GCNA: variants seen among roughly 807,000 people sequenced by gnomAD.
GCNA encodes the protein germ cell nuclear acidic protein.
A neutral mutation model predicts 38.8 loss-of-function variants in GCNA; 3 were observed. The observed-to-expected ratio is 0.08, with a 90% CI of 0.04 to 0.20. GCNA has a LOEUF of 0.20. GCNA is among the 10% of genes least tolerant of loss of function. The probability of loss-of-function intolerance (pLI) is 1.00; values close to 1 mark genes in which losing one functional copy is unlikely to be tolerated. For synonymous variants in GCNA, 195 were observed against 240.2 expected, an observed-to-expected ratio of 0.81 and a Z score of 1.74; for missense variants, 446 against 578.6, an observed-to-expected ratio of 0.77 and a Z score of 2.35.
chrX:71,591,020 T>A (rs1016814508), intron 2 of GCNA, among the ~76,000 whole-genome samples: 9 of 111,654 alleles, frequency 8.1e-5, no homozygotes, highest in African/African-American at 2.9e-4. Flanking sequence ...TGGACTTCCT[T>A]ATAGCTATTA....
At chrX:71,611,624 A>C (rs773850811) in intron 11 of GCNA, among the ~76,000 whole-genome samples, 10 of 111,479 alleles carry the variant, frequency 9.0e-5, no homozygotes, top group African/African-American at 3.3e-4. Flanking sequence ...AATTCAATCA[A>C]TTAGTAAGAA....
chrX:71,581,707 A>G (rs2040547889), intron 2 of GCNA, among the ~76,000 whole-genome samples: 1 of 112,146 alleles, frequency 8.9e-6, no homozygotes, highest in Admixed American at 9.5e-5. Context: ...TAGATTACAC[A>G]TGGATCAAAT....
intron 2 of GCNA, among the ~76,000 whole-genome samples, chrX:71,589,107 C>T (rs1047459666): frequency 2.0e-4 from 22 of 110,452 alleles, no homozygotes; most frequent in African/African-American, 5.6e-4. Context: ...CCTCCGGCCT[C>T]GACCTCCCAA....
intron 4 of GCNA, 29 bp downstream of exon 4, chrX:71,592,599 T>C (rs769556612): frequency 1.5e-5 from 15 of 1,007,547 alleles, no homozygotes; most frequent in Middle Eastern, 5.8e-4. Context: ...GAAACTTTAC[T>C]TTTTTTTTTT....
At position 71,612,283 on chromosome X, in the gene GCNA, GAAAAAAAAAA is replaced by G. The variant is rs756270122; in HGVS notation, c.1751-56_1751-47del. The G allele has an allele frequency of 2.3e-4, 69 of 294,840 alleles. 1 individual carries two copies. Among genetic ancestry groups the G allele is most frequent in the Non-Finnish European group, 3.1e-4 (62 of 198,446 alleles). 24.3% of individuals were successfully genotyped at this position (294,840 alleles called of 1,213,427 possible). On this transcript the variant is annotated intron_variant, in intron 11 of 12. Transcript: ENST00000373696. ...ACAAAGCAAGACTATCTCAAAAAAG[GAAAAAAAAAA>G]AAAAAAAAAAAAAAAGAGGATTGGT...
chrX:71,610,642 A>G, intron 10 of GCNA, 39 bp from the exon 11 acceptor site: 1 of 1,194,971 alleles, frequency 8.4e-7, no homozygotes, highest in Non-Finnish European at 1.1e-6. Context: ...AAAACCCAAA[A>G]CAGCTTTCTG....
At chrX:71,595,141 G>T (rs1221463129) in intron 6 of GCNA, among the ~76,000 whole-genome samples, 1 of 111,840 alleles carries the variant, frequency 8.9e-6, no homozygotes, top group African/African-American at 3.2e-5. Context: ...TGCTCGACCA[G>T]GTTCGAGTGC....
At chrX:71,612,297 A>T in intron 11 of GCNA, 58 bp from the exon 12 acceptor site, 1 of 792,713 alleles carries the variant, frequency 1.3e-6, no homozygotes, top group Non-Finnish European at 1.7e-6. Flanking sequence ...AAAAAAAAAA[A>T]AAAAAAAAAA....
At chrX:71,594,573 C>CT (rs1165906906) in intron 5 of GCNA, among the ~76,000 whole-genome samples, 173 bp from the exon 6 acceptor site, 60 of 92,594 alleles carry the variant, frequency 6.5e-4, no homozygotes, top group Non-Finnish European at 1.1e-3. Flanking sequence ...TACTTTCCTC[C>CT]TTTTTTTTTG....
At chrX:71,605,805 G>A in intron 9 of GCNA, 76 bp downstream of exon 9, 1 of 907,120 alleles carries the variant, frequency 1.1e-6, no homozygotes, top group Non-Finnish European at 1.5e-6. Flanking sequence ...TGGGCACTTG[G>A]GTGGGGGTGG....
chrX:71,581,559 AAAC>A (rs1358010477), intron 2 of GCNA, among the ~76,000 whole-genome samples: 1 of 112,451 alleles, frequency 8.9e-6, no homozygotes, highest in African/African-American at 3.2e-5. Flanking sequence ...AAAATTTACT[AAAC>A]AAGAAAAACG....
intron 8 of GCNA, 72 bp from the exon 9 acceptor site, chrX:71,605,591 C>G: frequency 2.1e-6 from 2 of 953,043 alleles, no homozygotes; most frequent in Non-Finnish European, 2.9e-6. Context: ...TTTGGGTTTA[C>G]CTTTCTGTTG....
Position 71,602,228 on chromosome X carries a change from C to G in GCNA, c.311-1360C>G, listed in dbSNP as rs1330704412. Among the ~76,000 whole-genome samples the G allele has an allele frequency of 2.7e-5, 3 of 111,557 alleles. No individual in the cohort carries two copies. In the Admixed American group the frequency reaches 2.9e-4, roughly 11 times the overall value. ...TTGTTTGAGACAGTCTCACGCTCAC[C>G]CAGGCTGGAGTACAGTGGTGTGATC... is the stretch of plus-strand genomic sequence containing the variant. On this transcript the variant is annotated intron_variant, in intron 7 of 12. Coordinates refer to ENST00000373696, the MANE Select transcript of GCNA (RefSeq NM_052957.5).
At chrX:71,612,309 GAGGAT>G in intron 11 of GCNA, 41 bp from the exon 12 acceptor site, 4 of 333,058 alleles carry the variant, frequency 1.2e-5, no homozygotes, top group Non-Finnish European at 1.9e-5. Context: ...AAAAAAAAAA[GAGGAT>G]TGGTTTTAGT....
intron 2 of GCNA, among the ~76,000 whole-genome samples, chrX:71,587,547 G>A (rs1405230356): frequency 9.0e-6 from 1 of 111,353 alleles, no homozygotes; most frequent in African/African-American, 3.3e-5. Flanking sequence ...AAATTATCCT[G>A]TTAGGCTGAA....
chrX:71,599,240 G>A, intron 7 of GCNA, among the ~76,000 whole-genome samples: 1 of 111,195 alleles, frequency 9.0e-6, no homozygotes, highest in Admixed American at 9.6e-5. Flanking sequence ...GAGCAGGGAA[G>A]GGAGAGGTGG....
chrX:71,611,849 T>C (rs1485388564), intron 11 of GCNA, among the ~76,000 whole-genome samples: 2 of 111,341 alleles, frequency 1.8e-5, no homozygotes, highest in East Asian at 2.8e-4. Flanking sequence ...CAATATCGGG[T>C]TGAAGTAGGT....
At chrX:71,589,450 CTTTTTTTTTTTTT>C (rs371046758) in intron 2 of GCNA, among the ~76,000 whole-genome samples, 28 of 37,664 alleles carry the variant, frequency 7.4e-4, no homozygotes, top group Non-Finnish European at 1.2e-3. Flanking sequence ...CATATATTTC[CTTTTTTTTTTTTT>C]TTTTTTTTTT....
intron 7 of GCNA, among the ~76,000 whole-genome samples, chrX:71,603,171 G>A (rs982703000): frequency 8.9e-6 from 1 of 111,996 alleles, no homozygotes. Flanking sequence ...ATGCTGTTTT[G>A]GTTACTGTAG....
Sources: gnomAD v4.1 joint callset for allele counts (sites outside exome capture counted in the v4.1 genomes callset) on GRCh38, gnomAD v4.1.1 for gene constraint, MANE v1.5 for transcripts, NCBI Gene and HGNC (gene_info 2026-07-23, HGNC 2026-07-21) for gene names.